The following PPARGC1B variants were observed in gnomAD, a reference collection of about 807,000 sequenced individuals.
PPARGC1B encodes PPARG coactivator 1 beta.
Under a neutral mutation model 101.6 loss-of-function variants are expected in PPARGC1B, and 34 were observed. The observed-to-expected ratio is 0.33, with a 90% CI of 0.25 to 0.45. The LOEUF (loss-of-function observed/expected upper bound fraction) is 0.45, where lower values mean the gene tolerates loss of function less well. Among genes scored for constraint, PPARGC1B ranks in the 20% least tolerant of loss-of-function variants. The pLI is 1.00. For missense variants in PPARGC1B, 1,234 were observed against 1,317.6 expected, an observed-to-expected ratio of 0.94 and a Z score of 0.98; for synonymous variants, 548 against 539.3, an observed-to-expected ratio of 1.02 and a Z score of -0.22.
intron 1 of PPARGC1B, among the ~76,000 whole-genome samples, chr5:149,807,479 C>T (rs1189730335): frequency 3.9e-5 from 6 of 152,176 alleles, no homozygotes; most frequent in Non-Finnish European, 7.3e-5. Flanking sequence ...GGACCAAGGT[C>T]AGAATTCCAG....
At chr5:149,734,663 A>G (rs1159212837) in intron 1 of PPARGC1B, among the ~76,000 whole-genome samples, 2 of 152,172 alleles carry the variant, frequency 1.3e-5, no homozygotes, top group Non-Finnish European at 2.9e-5. Flanking sequence ...CATCAAACTC[A>G]TTCCTGGATT....
rs1007655777 is a variant in PPARGC1B at position 149,750,681 on chromosome 5, A to T, written c.78+20261A>T. ...CTGTAATTATTTAAAGAAAGCTCAC[A>T]TCAAGTGGAAAAAGAGTGAACCACA... On this transcript the variant is annotated intron_variant, in intron 1 of 11. Coordinates refer to ENST00000309241, the MANE Select transcript of PPARGC1B (RefSeq NM_133263.4). 2.0e-5 allele frequency among the ~76,000 whole-genome samples: 3 copies of T among 152,296 alleles called. No homozygotes were observed. In the South Asian group the frequency reaches 6.2e-4, roughly 32 times the overall value.
At chr5:149,831,042 C>A (rs529970758) in intron 4 of PPARGC1B, among the ~76,000 whole-genome samples, 159 bp downstream of exon 4, 2 of 152,324 alleles carry the variant, frequency 1.3e-5, no homozygotes, top group East Asian at 3.9e-4. Flanking sequence ...TCTGGAGATC[C>A]AGCCTAGTTT....
rs181645590 is a variant in PPARGC1B, at chr5:149,813,860, C to T, written c.79-6573C>T. On this transcript the variant is annotated intron_variant, in intron 1 of 11. Transcript: ENST00000309241. ...TCTGGTGAGGACGCATTTCCTGGTTCGTAGATTGCAGCTTCTTGTATTCTC... is the reference window on the plus strand; with the variant it reads ...TCTGGTGAGGACGCATTTCCTGGTTTGTAGATTGCAGCTTCTTGTATTCTC... 1.4e-3 allele frequency among the ~76,000 whole-genome samples: 220 copies of T among 152,246 alleles called. 1 individual carries two copies. Among genetic ancestry groups the T allele is most frequent in the African/African-American group, 4.8e-3 (201 of 41,536 alleles).
At chr5:149,797,692 G>A (rs1449523446) in intron 1 of PPARGC1B, among the ~76,000 whole-genome samples, 1 of 152,156 alleles carries the variant, frequency 6.6e-6, no homozygotes, top group Non-Finnish European at 1.5e-5. Context: ...AGGCCGAGGC[G>A]GGTGAATCAC....
chr5:149,766,323 C>T (rs531879602), intron 1 of PPARGC1B, among the ~76,000 whole-genome samples: 3 of 152,166 alleles, frequency 2.0e-5, no homozygotes, highest in Non-Finnish European at 4.4e-5. Context: ...CTAGCAGAGC[C>T]TTAATAATCA....
At chr5:149,783,554 T>G (rs769701668) in intron 1 of PPARGC1B, among the ~76,000 whole-genome samples, 3 of 152,070 alleles carry the variant, frequency 2.0e-5, no homozygotes, top group African/African-American at 7.2e-5. Context: ...CCCAGGAGAT[T>G]ATAATCCAAG....
chr5:149,822,213 A>G (rs1256635380), intron 2 of PPARGC1B, among the ~76,000 whole-genome samples: 3 of 152,248 alleles, frequency 2.0e-5, no homozygotes, highest in African/African-American at 7.2e-5. Context: ...GCTCCCTGAA[A>G]ACCATCCCCA....
chr5:149,736,917 T>C (rs190567681), intron 1 of PPARGC1B, among the ~76,000 whole-genome samples: 2 of 152,150 alleles, frequency 1.3e-5, no homozygotes, highest in Admixed American at 1.3e-4. Flanking sequence ...TTGATGAACC[T>C]ACATTGACAC....
rs1329054651 is a variant in PPARGC1B, at chr5:149,847,809, G to A, written c.*251G>A. On this transcript the variant is annotated 3_prime_UTR_variant, in exon 12 of 12. Coordinates refer to ENST00000309241, the MANE Select transcript of PPARGC1B (RefSeq NM_133263.4). ...CACATTAGTGTCCTCGCTTCCAACG[G>A]GTTGTCCCGGGTGCACCTCGAAGTG... 2 of 495,248 alleles carry A rather than the reference G, an allele frequency of 4.0e-6. No homozygotes were observed. The highest frequency in any genetic ancestry group is 3.8e-5 in the African/African-American group (2 of 52,236). 30.7% of individuals were successfully genotyped at this position (495,248 alleles called of 1,614,324 possible). A position where few individuals can be genotyped will look rare whatever the true frequency, so the allele number is the denominator to read the frequency against.
chr5:149,767,893 A>C (rs1292117950), intron 1 of PPARGC1B, among the ~76,000 whole-genome samples: 2 of 152,118 alleles, frequency 1.3e-5, no homozygotes, highest in Non-Finnish European at 2.9e-5. Context: ...CATTACATGT[A>C]TTGTGTACTT....
chr5:149,835,155 C>G, intron 6 of PPARGC1B, 146 bp from the exon 7 acceptor site: 1 of 756,012 alleles, frequency 1.3e-6, no homozygotes, highest in Non-Finnish European at 2.3e-6. Flanking sequence ...GGGTTTCCCC[C>G]AGAGCGAATG....
At chr5:149,812,139 C>T (rs1278713643) in intron 1 of PPARGC1B, among the ~76,000 whole-genome samples, 1 of 152,216 alleles carries the variant, frequency 6.6e-6, no homozygotes, top group Non-Finnish European at 1.5e-5. Flanking sequence ...CAGAAAGGGC[C>T]TTGGATGCTG....
At chr5:149,780,767 T>C (rs1581045515) in intron 1 of PPARGC1B, among the ~76,000 whole-genome samples, 1 of 152,250 alleles carries the variant, frequency 6.6e-6, no homozygotes, top group Non-Finnish European at 1.5e-5. Flanking sequence ...GCAGGATGAC[T>C]GTAAAGCAGG....
At chr5:149,807,475 A>G (rs1544744) in intron 1 of PPARGC1B, among the ~76,000 whole-genome samples, 131,076 of 152,144 alleles carry the variant, frequency 0.86, 56,547 homozygotes, top group Middle Eastern at 0.93. Flanking sequence ...CTCAGGACCA[A>G]GGTCAGAATT....
At chr5:149,799,693 GTTT>G (rs11371560) in intron 1 of PPARGC1B, among the ~76,000 whole-genome samples, 4 of 76,462 alleles carry the variant, frequency 5.2e-5, no homozygotes, top group Middle Eastern at 0.013. Context: ...GCTTGTTGTT[GTTT>G]TTTTTTTTTT....
intron 1 of PPARGC1B, among the ~76,000 whole-genome samples, chr5:149,767,666 A>G (rs1424552139): frequency 1.3e-5 from 2 of 152,120 alleles, no homozygotes; most frequent in Non-Finnish European, 1.5e-5. Flanking sequence ...AGCTCCAGGG[A>G]CTGAACATTC....
intron 1 of PPARGC1B, among the ~76,000 whole-genome samples, chr5:149,773,204 A>G (rs1756212168): frequency 6.6e-6 from 1 of 152,212 alleles, no homozygotes; most frequent in Admixed American, 6.5e-5. Flanking sequence ...TTGTGAGGCA[A>G]GGACTGCTGT....
At chr5:149,828,648 T>C (rs1758622961) in intron 3 of PPARGC1B, among the ~76,000 whole-genome samples, 1 of 152,212 alleles carries the variant, frequency 6.6e-6, no homozygotes, top group African/African-American at 2.4e-5. Context: ...TAGATTACCT[T>C]CATTCCCTAC....
Sources: gnomAD v4.1 joint callset for allele counts (sites outside exome capture counted in the v4.1 genomes callset) on GRCh38, gnomAD v4.1.1 for gene constraint, MANE v1.5 for transcripts, NCBI Gene and HGNC (gene_info 2026-07-23, HGNC 2026-07-21) for gene names.